The following JAZF1 variants were observed in gnomAD, a reference collection of about 807,000 sequenced individuals.
The protein encoded by JAZF1 is JAZF zinc finger 1.
JAZF1 carries 8 observed loss-of-function variants against 26.4 expected under a neutral mutation model. The observed-to-expected ratio is 0.30, with a 90% CI of 0.18 to 0.55. The LOEUF is 0.55. Ranked by LOEUF, JAZF1 falls within the 20% of genes least tolerant of loss-of-function variation. The pLI is 0.94. For missense variants in JAZF1, 199 were observed against 322.0 expected, an observed-to-expected ratio of 0.62 and a Z score of 2.92; for synonymous variants, 126 against 122.3, an observed-to-expected ratio of 1.03 and a Z score of -0.20.
chr7:27,910,048 TTA>T (rs1156992019), intron 2 of JAZF1, among the ~76,000 whole-genome samples: 1 of 152,194 alleles, frequency 6.6e-6, no homozygotes, highest in Non-Finnish European at 1.5e-5. Flanking sequence ...AGGAGCACTG[TTA>T]TATAGAGTCT....
chr7:27,944,015 C>T (rs770606828), intron 2 of JAZF1, among the ~76,000 whole-genome samples: 2 of 152,172 alleles, frequency 1.3e-5, no homozygotes, highest in Non-Finnish European at 1.5e-5. Context: ...CCCTCCTTGG[C>T]GTGTCCTTCA....
At chr7:28,155,314 C>T (rs1018236273) in intron 1 of JAZF1, among the ~76,000 whole-genome samples, 3 of 152,166 alleles carry the variant, frequency 2.0e-5, no homozygotes, top group African/African-American at 7.2e-5. Flanking sequence ...TAAAACCTGG[C>T]CCACTAATAA....
chr7:27,901,289 T>C (rs1047099962), intron 2 of JAZF1, among the ~76,000 whole-genome samples: 4 of 152,232 alleles, frequency 2.6e-5, no homozygotes, highest in Non-Finnish European at 5.9e-5. Flanking sequence ...GGGAAGTACA[T>C]ATTCCTTAAG....
intron 1 of JAZF1, among the ~76,000 whole-genome samples, chr7:28,121,571 C>A (rs944407756): frequency 3.3e-5 from 5 of 152,188 alleles, no homozygotes; most frequent in Non-Finnish European, 7.3e-5. Context: ...TATTTTCATC[C>A]CACCCCTGTG....
chr7:27,898,286 C>CATATATATATAT (rs10638646), intron 2 of JAZF1, among the ~76,000 whole-genome samples: 2,035 of 99,440 alleles, frequency 0.02, 47 homozygotes, highest in South Asian at 0.046. Context: ...ACGTCTAACT[C>CATATATATATAT]ATATATATAT....
intron 1 of JAZF1, among the ~76,000 whole-genome samples, chr7:28,114,163 CAG>C (rs1784704280): frequency 6.6e-6 from 1 of 152,140 alleles, no homozygotes; most frequent in Non-Finnish European, 1.5e-5. Flanking sequence ...TCCCACAGAC[CAG>C]ACTGTGGAGA....
At chr7:27,945,141 T>A (rs564065370) in intron 2 of JAZF1, among the ~76,000 whole-genome samples, 7 of 152,150 alleles carry the variant, frequency 4.6e-5, no homozygotes, top group Non-Finnish European at 7.4e-5. Flanking sequence ...AAATTTTTTT[T>A]TAAAAAAATC....
At chr7:27,954,751 G>C (rs1274387688) in intron 2 of JAZF1, among the ~76,000 whole-genome samples, 1 of 137,814 alleles carries the variant, frequency 7.3e-6, no homozygotes, top group African/African-American at 2.5e-5. Context: ...TCCAGACTGC[G>C]AACAGGACTT....
intron 2 of JAZF1, among the ~76,000 whole-genome samples, chr7:27,986,501 A>G (rs1417505853): frequency 6.6e-6 from 1 of 152,228 alleles, no homozygotes; most frequent in African/African-American, 2.4e-5. Context: ...ATGCTCATGG[A>G]TAGGAAGAAT....
chr7:28,179,857 T>TGGC (rs568494715), intron 1 of JAZF1, among the ~76,000 whole-genome samples: 6,981 of 141,770 alleles, frequency 0.049, 539 homozygotes, highest in African/African-American at 0.17. Context: ...CAGGACGCAG[T>TGGC]GGCGGCGGCG....
intron 2 of JAZF1, among the ~76,000 whole-genome samples, chr7:27,898,464 C>T (rs1435212372): frequency 6.6e-6 from 1 of 151,808 alleles, no homozygotes; most frequent in Non-Finnish European, 1.5e-5. Context: ...ACCACCATGC[C>T]CAGCTAATTT....
intron 1 of JAZF1, among the ~76,000 whole-genome samples, chr7:28,005,311 CAAGT>C (rs1332522108): frequency 5.9e-5 from 9 of 151,792 alleles, no homozygotes; most frequent in Admixed American, 2.0e-4. Flanking sequence ...AGGCTGTATC[CAAGT>C]ATATTAGTTT....
chr7:28,126,691 C>T (rs1168443133), intron 1 of JAZF1, among the ~76,000 whole-genome samples: 1 of 152,174 alleles, frequency 6.6e-6, no homozygotes, highest in Non-Finnish European at 1.5e-5. Flanking sequence ...CCATTCCCCA[C>T]CTTACGGTGT....
At chr7:27,961,888 T>C (rs1785190950) in intron 2 of JAZF1, among the ~76,000 whole-genome samples, 1 of 152,178 alleles carries the variant, frequency 6.6e-6, no homozygotes, top group South Asian at 2.1e-4. Context: ...TATCAAAGGT[T>C]TACTGTCATC....
chr7:28,047,067 T>C (rs981672346), intron 1 of JAZF1, among the ~76,000 whole-genome samples: 5 of 152,186 alleles, frequency 3.3e-5, no homozygotes, highest in African/African-American at 9.6e-5. Flanking sequence ...TAGAATTTTA[T>C]AGATTTGAAA....
intron 1 of JAZF1, among the ~76,000 whole-genome samples, chr7:28,035,554 G>A (rs1783277618): frequency 6.6e-6 from 1 of 151,962 alleles, no homozygotes; most frequent in Non-Finnish European, 1.5e-5. Context: ...ACTCAATTTT[G>A]GTGTAGAGCC....
chr7:28,003,591 C>T (rs189292520), intron 1 of JAZF1, among the ~76,000 whole-genome samples: 3 of 152,178 alleles, frequency 2.0e-5, no homozygotes, highest in African/African-American at 7.2e-5. Context: ...CATGTAATAA[C>T]ACCACCTACA....
At chr7:27,914,592 A>C (rs1479951220) in intron 2 of JAZF1, 1 of 372,210 alleles carries the variant, frequency 2.7e-6, no homozygotes, top group African/African-American at 2.1e-5. Flanking sequence ...AGTAGCCCTC[A>C]CATCCCTTAC....
At chr7:28,123,732 G>A (rs1046012480) in intron 1 of JAZF1, among the ~76,000 whole-genome samples, 2 of 152,206 alleles carry the variant, frequency 1.3e-5, no homozygotes, top group Non-Finnish European at 2.9e-5. Context: ...CTATAGCAAT[G>A]ATGGAAGATG....
Sources: allele counts gnomAD v4.1 joint callset (sites outside exome capture counted in the v4.1 genomes callset), GRCh38; gene constraint gnomAD v4.1.1; transcripts MANE v1.5; gene names NCBI Gene and HGNC (gene_info 2026-07-23, HGNC 2026-07-21).